Variants in GRAMD1C observed in about 807,000 individuals in gnomAD.
GRAMD1C encodes the protein GRAM domain containing 1C, also known as protein Aster-C.
A neutral mutation model predicts 97.8 loss-of-function variants in GRAMD1C; 89 were observed. The ratio of observed to expected loss-of-function variants is 0.91; its 90% CI spans 0.77 to 1.09. The LOEUF (loss-of-function observed/expected upper bound fraction) is 1.09. GRAMD1C is among the 50% of genes least tolerant of loss of function. The pLI is 0.00. For missense variants in GRAMD1C, 740 were observed against 766.4 expected (o/e 0.97, Z 0.41); for synonymous variants, 256 against 267.0 (o/e 0.96, Z 0.40).
chr3:113,852,985 G>A (rs4502555), intron 2 of GRAMD1C, among the ~76,000 whole-genome samples: 8,355 of 152,228 alleles, frequency 0.055, 259 homozygotes, highest in Middle Eastern at 0.11. Flanking sequence ...CTCTATAAGT[G>A]AGCAGAAAGA....
At chr3:113,843,062 T>TG (rs1933430927) in intron 1 of GRAMD1C, among the ~76,000 whole-genome samples, 1 of 143,002 alleles carries the variant, frequency 7.0e-6, no homozygotes, top group Non-Finnish European at 1.5e-5. Flanking sequence ...TTTTTTTTTT[T>TG]TTTTTTTTTT....
At chr3:113,876,791 C>T (rs1577153044) in intron 5 of GRAMD1C, among the ~76,000 whole-genome samples, 1 of 135,970 alleles carries the variant, frequency 7.4e-6, no homozygotes, top group African/African-American at 2.8e-5. Flanking sequence ...GTGTGAGAGA[C>T]ATTAGAAGTG....
chr3:113,910,791 T>G (rs558999071), intron 9 of GRAMD1C, among the ~76,000 whole-genome samples: 5 of 152,202 alleles, frequency 3.3e-5, no homozygotes, highest in Admixed American at 2.0e-4. Context: ...ACAGGCAATG[T>G]TCAATCTCCT....
At chr3:113,837,469 A>C (rs1709652370), upstream of GRAMD1C, among the ~76,000 whole-genome samples, 1 of 152,224 alleles carries the variant, frequency 6.6e-6, no homozygotes, top group Non-Finnish European at 1.5e-5. Context: ...GACCTAATAC[A>C]TCAATCAATA....
chr3:113,917,127 A>G (rs890414421), intron 10 of GRAMD1C, among the ~76,000 whole-genome samples: 4 of 152,170 alleles, frequency 2.6e-5, no homozygotes, highest in African/African-American at 9.6e-5. Flanking sequence ...ATCCAGTGAT[A>G]GATTGAGACT....
At chr3:113,915,927 T>C (rs1936795200) in intron 10 of GRAMD1C, 89 bp downstream of exon 10, 2 of 1,001,762 alleles carry the variant, frequency 2.0e-6, no homozygotes, top group African/African-American at 1.6e-5. Flanking sequence ...ATTTATGTTG[T>C]GAGGAGGAAG....
Position 113,940,283 on chromosome 3 carries a change from A to G in GRAMD1C, c.1846A>G (p.Asn616Asp), listed in dbSNP as rs1341781053. 2 of 1,611,712 alleles carry G rather than the reference A, an allele frequency of 1.2e-6. No individual in the cohort carries two copies. The highest frequency in any genetic ancestry group is 1.7e-6 in the Non-Finnish European group (2 of 1,177,872). ...GTCAAGAGCAGAAACTATTCAGAAG[A>G]ATAAAGATCAGGCCCATCGTTTAAA... is the stretch of plus-strand genomic sequence containing the variant. ...MVSRAETIQKNKDQAHRLKGV... is the reference protein window; with the variant it reads ...MVSRAETIQKDKDQAHRLKGV... The change falls in exon 17 of 18, where the codon AAT becomes GAT. Residue 616 changes from asparagine to aspartate, a missense_variant. Coordinates refer to ENST00000358160, the MANE Select transcript of GRAMD1C (RefSeq NM_017577.5).
intron 4 of GRAMD1C, chr3:113,875,888 G>C: frequency 2.5e-6 from 1 of 406,510 alleles, no homozygotes; most frequent in Non-Finnish European, 4.3e-6. Context: ...ATTTTTGTTT[G>C]TGTGTTAATG....
chr3:113,859,289 T>C (rs931060155), intron 2 of GRAMD1C, among the ~76,000 whole-genome samples: 1 of 152,192 alleles, frequency 6.6e-6, no homozygotes, highest in Non-Finnish European at 1.5e-5. Context: ...TTTTCATCAG[T>C]TCCGTGTGTT....
intron 5 of GRAMD1C, among the ~76,000 whole-genome samples, chr3:113,879,199 C>A (rs565512983): frequency 1.1e-3 from 102 of 88,970 alleles, no homozygotes; most frequent in South Asian, 9.5e-3. Context: ...AGTGAGACTC[C>A]GTCTCAAAAA....
intron 5 of GRAMD1C, among the ~76,000 whole-genome samples, chr3:113,879,724 A>C (rs1263410244): frequency 1.5e-4 from 17 of 111,502 alleles, no homozygotes; most frequent in South Asian, 5.4e-4. Context: ...ACAGAGTTTC[A>C]CTCTTGTCAA....
chr3:113,861,925 A>T (rs1934391525), intron 2 of GRAMD1C, among the ~76,000 whole-genome samples: 1 of 152,186 alleles, frequency 6.6e-6, no homozygotes, highest in Non-Finnish European at 1.5e-5. Flanking sequence ...CGGGGGAGAC[A>T]TCACATGTCA....
At chr3:113,885,188 C>A in intron 6 of GRAMD1C, 1 of 654,724 alleles carries the variant, frequency 1.5e-6, no homozygotes, top group Non-Finnish European at 2.7e-6. Flanking sequence ...GCATTCTCTC[C>A]TGCCACTTGG....
intron 4 of GRAMD1C, 61 bp from the exon 5 acceptor site, chr3:113,876,104 T>G: frequency 1.3e-6 from 1 of 757,568 alleles, no homozygotes; most frequent in South Asian, 1.5e-5. Flanking sequence ...ATGGGATACT[T>G]GGCATTTTGT....
intron 6 of GRAMD1C, chr3:113,885,907 C>A (rs1345399259): frequency 3.1e-6 from 5 of 1,612,798 alleles, no homozygotes; most frequent in Non-Finnish European, 4.2e-6. Flanking sequence ...CCCATCAAAT[C>A]CTGGTTCAGT....
chr3:113,862,258 G>A (rs952191061), intron 2 of GRAMD1C, among the ~76,000 whole-genome samples: 6 of 152,138 alleles, frequency 3.9e-5, no homozygotes, highest in African/African-American at 7.2e-5. Context: ...GGAGTGCCAC[G>A]GGAGACTGGG....
At chr3:113,830,928 C>T (rs1346507028) in intron 1 of GRAMD1C, among the ~76,000 whole-genome samples, 1 of 152,162 alleles carries the variant, frequency 6.6e-6, no homozygotes, top group Non-Finnish European at 1.5e-5. Flanking sequence ...AACCCCATCT[C>T]TACTAAAAAT....
In GRAMD1C at chr3:113,915,797, C is replaced by CA; in HGVS notation, c.1050dup (p.Arg351ThrfsTer10). ...ATGTTTGAATTGCTCTTTACCAGTT[C>CA]ACGCTTTATGCAGAAATTTGCCAGT... On this transcript the variant is annotated frameshift_variant, in exon 10 of 18. Transcript: ENST00000358160. LOFTEE classifies it high-confidence loss of function. The CA allele has an allele frequency of 6.2e-7, 1 of 1,611,260 alleles. No individual in the cohort carries two copies. The highest frequency in any genetic ancestry group is 8.5e-7 in the Non-Finnish European group (1 of 1,177,748).
chr3:113,872,873 A>G (rs1015322351), intron 3 of GRAMD1C, among the ~76,000 whole-genome samples: 2 of 145,230 alleles, frequency 1.4e-5, no homozygotes, highest in Non-Finnish European at 3.0e-5. Context: ...GGAGTTCAAG[A>G]CCAGCCTGGG....
Sources: gnomAD v4.1 joint callset for allele counts (sites outside exome capture counted in the v4.1 genomes callset) on GRCh38, gnomAD v4.1.1 for gene constraint, MANE v1.5 for transcripts, NCBI Gene and HGNC (gene_info 2026-07-23, HGNC 2026-07-21) for gene names.